The following ZNF716 variants were observed in gnomAD, a reference collection of about 807,000 sequenced individuals.
ZNF716 encodes zinc finger protein 716.
Under a neutral mutation model 13.4 loss-of-function variants are expected in ZNF716, and 9 were observed. The observed-to-expected ratio is 0.67, with a 90% CI of 0.41 to 1.18. The LOEUF (loss-of-function observed/expected upper bound fraction) is 1.18, where lower values mean the gene tolerates loss of function less well. ZNF716 is among the 50% of genes most tolerant of loss of function. The pLI is 0.01. For missense variants in ZNF716, 581 were observed against 576.6 expected (o/e 1.01, Z -0.08); for synonymous variants, 186 against 195.2 (o/e 0.95, Z 0.39).
chr7:57,463,274 G>C, intron 3 of ZNF716, 106 bp downstream of exon 3: 1 of 1,471,614 alleles, frequency 6.8e-7, no homozygotes, highest in South Asian at 1.2e-5. Context: ...CGATGGAAGA[G>C]TTTCTGAGAA....
Position 57,461,192 on chromosome 7 carries a change from G to T in ZNF716, c.40-1268G>T, listed in dbSNP as rs149151560. On this transcript the variant is annotated intron_variant, in intron 1 of 3. Transcript: ENST00000420713. ...ACTCAGGGGCTGAGGCAGGAGAATC[G>T]CTTGAACCCAGGAGGCAGAGTTTGC... Among the ~76,000 whole-genome samples, 535 of 152,098 alleles carry T rather than the reference G, an allele frequency of 3.5e-3. 2 individuals are homozygous for T. Among genetic ancestry groups the T allele is most frequent in the African/African-American group, 0.012 (506 of 41,492 alleles).
rs782039142 is a variant in ZNF716, at chr7:57,468,783, C to T, written c.322C>T (p.Gln108Ter). 1 of 1,613,246 alleles carries T rather than the reference C, an allele frequency of 6.2e-7. No individual in the cohort carries two copies. Among genetic ancestry groups the T allele is most frequent in the Non-Finnish European group, 8.5e-7 (1 of 1,179,670 alleles). The change falls in exon 4 of 4, where the codon CAA (glutamine) becomes TAA (stop). Residue 108 changes from glutamine to a stop codon, truncating the protein, a stop_gained. Coordinates refer to ENST00000420713, the MANE Select transcript of ZNF716 (RefSeq NM_001159279.1). LOFTEE classifies it low-confidence loss of function (END_TRUNC). ...QSEQGIKDSL[Q>*]KVILRRYGKC... ...AGAGCAGGGCATAAAAGATTCACTC[C>T]AAAAAGTGATACTGAGAAGATATGG...
chr7:57,458,717 G>A lies in ZNF716; in HGVS notation c.40-3743G>A, dbSNP rs143244960. On this transcript the variant is annotated intron_variant, in intron 1 of 3. Transcript: ENST00000420713. ...ATTAAAGGCATGAGCCACTGTGCCC[G>A]GCCCATTGAGCTTTTTATAGTTATT... Among the ~76,000 whole-genome samples the A allele has an allele frequency of 4.2e-3, 641 of 152,188 alleles. 7 individuals carry two copies. The highest frequency in any genetic ancestry group is 0.015 in the African/African-American group (608 of 41,546).
intron 1 of ZNF716, among the ~76,000 whole-genome samples, chr7:57,454,040 C>T (rs782590729): frequency 1.3e-5 from 2 of 152,122 alleles, no homozygotes; most frequent in Non-Finnish European, 2.9e-5. Flanking sequence ...GCCATGTTGG[C>T]CAGGCTGGTC....
At chr7:57,465,940 A>C (rs1355124604) in intron 3 of ZNF716, among the ~76,000 whole-genome samples, 1 of 151,986 alleles carries the variant, frequency 6.6e-6, no homozygotes, top group Non-Finnish European at 1.5e-5. Flanking sequence ...AGAACAAAAA[A>C]CCAAAAACAC....
Position 57,463,177 on chromosome 7 carries a change from G to C in ZNF716, c.262+9G>C. ...GGTAGCCAAACACCCAGGTAGGTGA[G>C]AGCGAATGAAGCAGATGACACAGAT... is the stretch of plus-strand genomic sequence containing the variant. On this transcript the variant is annotated intron_variant, in intron 3 of 3. Coordinates refer to ENST00000420713, the MANE Select transcript of ZNF716 (RefSeq NM_001159279.1). 3.1e-6 allele frequency: 5 copies of C among 1,606,054 alleles called. No homozygotes were observed. Among genetic ancestry groups the C allele is most frequent in the Non-Finnish European group, 4.2e-6 (5 of 1,179,778 alleles).
chr7:57,468,687 A>G (rs782117443), intron 3 of ZNF716, 37 bp from the exon 4 acceptor site: 34 of 1,568,772 alleles, frequency 2.2e-5, no homozygotes, highest in Non-Finnish European at 2.8e-5. Flanking sequence ...ATCTGAGTGT[A>G]GTAAGTGGAG....
chr7:57,455,542 A>AGT (rs137953094), intron 1 of ZNF716, among the ~76,000 whole-genome samples: 4,854 of 152,270 alleles, frequency 0.032, 237 homozygotes, highest in African/African-American at 0.11. Flanking sequence ...TTAGAGATAG[A>AGT]GTCTCACTCT....
chr7:57,463,309 G>C (rs1554323491), intron 3 of ZNF716, 141 bp downstream of exon 3: 2 of 1,103,786 alleles, frequency 1.8e-6, no homozygotes, highest in African/African-American at 3.2e-5. Flanking sequence ...TTTCTATTAT[G>C]CTTACATAGG....
rs1168600590 is a variant in ZNF716, at chr7:57,472,501, C to T, written c.*2552C>T. ...GTTTGTTTTGAGACTAAGTCTTACTCTGTCACCCAGACTGGGGTGCAGTGG... is the reference window on the plus strand; with the variant it reads ...GTTTGTTTTGAGACTAAGTCTTACTTTGTCACCCAGACTGGGGTGCAGTGG... On this transcript the variant is annotated 3_prime_UTR_variant, in exon 4 of 4. Transcript: ENST00000420713. The T allele has an allele frequency of 6.6e-6, 1 of 152,152 alleles. No homozygotes were observed. The highest frequency in any genetic ancestry group is 1.5e-5 in the Non-Finnish European group (1 of 68,072). 9.4% of individuals were successfully genotyped at this position (152,152 alleles called of 1,614,324 possible).
At position 57,468,903 on chromosome 7, in the gene ZNF716, T is replaced by C; in HGVS notation, c.442T>C (p.Cys148Arg). ...AGGAGGTTATAATTATGTTAACCAA[T>C]GTTTGTCAGCTACCCAAAACAAAAC... is the stretch of plus-strand genomic sequence containing the variant. ...HKGGYNYVNQCLSATQNKTFQ... is the reference protein window; with the variant it reads ...HKGGYNYVNQRLSATQNKTFQ... Residue 148 changes from cysteine to arginine, a missense_variant, in exon 4 of 4, where the codon TGT becomes CGT. Cys to Arg is a radical substitution (Grantham distance 180). Transcript: ENST00000420713. The C allele has an allele frequency of 1.9e-6, 3 of 1,605,608 alleles. No individual in the cohort carries two copies. The highest frequency in any genetic ancestry group is 2.6e-6 in the Non-Finnish European group (3 of 1,172,456).
At chr7:57,453,611 AT>A (rs1789534478) in intron 1 of ZNF716, among the ~76,000 whole-genome samples, 1 of 152,048 alleles carries the variant, frequency 6.6e-6, no homozygotes, top group African/African-American at 2.4e-5. Flanking sequence ...CAGGTGTGTT[AT>A]TTTTTGGCTG....
In ZNF716 at chr7:57,469,379, C is replaced by A. The variant is rs782571052; in HGVS notation, c.918C>A (p.Ser306Arg). ...GTGAAGAATGTGGCAAAGCCTTTAGCCGCTCTTCAACACTTACTAACCACA... is the reference window on the plus strand; with the variant it reads ...GTGAAGAATGTGGCAAAGCCTTTAGACGCTCTTCAACACTTACTAACCACA... ...YTCEECGKAF[S>R]RSSTLTNHKR... The change falls in exon 4 of 4, where the codon AGC becomes AGA. Residue 306 changes from serine to arginine, a missense_variant. Transcript: ENST00000420713. 5.6e-6 allele frequency: 9 copies of A among 1,613,426 alleles called. No individual in the cohort carries two copies. Among genetic ancestry groups the A allele is most frequent in the Non-Finnish European group, 7.6e-6 (9 of 1,179,812 alleles).
In ZNF716 at chr7:57,473,518, TC is replaced by T. The variant is rs1202430873; in HGVS notation, c.*3570del. ...CTGGGTGAAAGAGCGAGAAACCATCTCAAAAAAAAAAATAAATAAATAAAAG... is the reference window on the plus strand; with the variant it reads ...CTGGGTGAAAGAGCGAGAAACCATCTAAAAAAAAAAATAAATAAATAAAAG... On this transcript the variant is annotated 3_prime_UTR_variant, in exon 4 of 4. Transcript: ENST00000420713. 4.0e-5 allele frequency: 3 copies of T among 74,868 alleles called. No individual in the cohort carries two copies. Among genetic ancestry groups the T allele is most frequent in the African/African-American group, 5.3e-5 (1 of 18,878 alleles). The allele number at this position is 74,868 out of a possible 1,614,324, so 4.6% of individuals were successfully genotyped here.
At chr7:57,466,946 C>T (rs1583722985) in intron 3 of ZNF716, among the ~76,000 whole-genome samples, 1 of 151,962 alleles carries the variant, frequency 6.6e-6, no homozygotes, top group South Asian at 2.1e-4. Context: ...GTTACAGATT[C>T]CTAGTAAATG....
chr7:57,468,844 G>T lies in ZNF716; in HGVS notation c.383G>T (p.Cys128Phe). The change falls in exon 4 of 4, where the codon TGC (cysteine) becomes TTC (phenylalanine). Residue 128 changes from cysteine (C) to phenylalanine (F), a missense_variant. By Grantham distance (205) the Cys-to-Phe change is radical. Coordinates refer to ENST00000420713, the MANE Select transcript of ZNF716 (RefSeq NM_001159279.1). The stretch of plus-strand genomic sequence containing the variant: ...CAGGAGGATTTACAAGTAAAAAAAT[G>T]CTGTAAAAGTGTAGGTGAGTGTGAG... ...CGQEDLQVKK[C>F]CKSVGECEVH... The T allele has an allele frequency of 6.2e-7, 1 of 1,613,542 alleles. No individual in the cohort carries two copies. The highest frequency in any genetic ancestry group is 8.5e-7 in the Non-Finnish European group (1 of 1,179,782).
intron 3 of ZNF716, among the ~76,000 whole-genome samples, chr7:57,464,318 G>T (rs533068267): frequency 6.6e-6 from 1 of 151,578 alleles, no homozygotes; most frequent in African/African-American, 2.4e-5. Context: ...ATGGAGTTTC[G>T]CCATGTTGTT....
At chr7:57,462,873 T>A (rs1401467482) in intron 2 of ZNF716, among the ~76,000 whole-genome samples, 200 bp from the exon 3 acceptor site, 1 of 152,198 alleles carries the variant, frequency 6.6e-6, no homozygotes, top group Non-Finnish European at 1.5e-5. Flanking sequence ...TACCACCAAT[T>A]TTTGATTCAG....
intron 1 of ZNF716, among the ~76,000 whole-genome samples, chr7:57,454,119 C>T (rs1182189052): frequency 3.3e-5 from 5 of 152,202 alleles, no homozygotes; most frequent in African/African-American, 1.2e-4. Flanking sequence ...AGGCATGAGC[C>T]ACTGCTCCTG....
Sources: allele counts gnomAD v4.1 joint callset (sites outside exome capture counted in the v4.1 genomes callset), GRCh38; gene constraint gnomAD v4.1.1; transcripts MANE v1.5; gene names NCBI Gene and HGNC (gene_info 2026-07-23, HGNC 2026-07-21).